The following AKAP6 variants were observed in gnomAD, a reference collection of about 807,000 sequenced individuals.
The protein encoded by AKAP6 is A-kinase anchor protein 6.
In AKAP6, 58 loss-of-function variants were observed where a neutral mutation model predicts 188.5. That is an observed-to-expected ratio of 0.31 (90% CI 0.25 to 0.38). The LOEUF (loss-of-function observed/expected upper bound fraction) is 0.38, where lower values mean the gene tolerates loss of function less well. AKAP6 is among the 10% of genes least tolerant of loss of function. AKAP6 has a pLI of 1.00. For synonymous variants in AKAP6, 989 were observed against 998.6 expected (o/e 0.99, Z 0.18); for missense variants, 2,710 against 2,740.0 (o/e 0.99, Z 0.24).
chr14:32,434,142 G>C (rs114750654), intron 2 of AKAP6, among the ~76,000 whole-genome samples: 6 of 152,142 alleles, frequency 3.9e-5, no homozygotes, highest in Non-Finnish European at 8.8e-5. Flanking sequence ...TTTAATAAAA[G>C]ACTCTTATAG....
intron 9 of AKAP6, among the ~76,000 whole-genome samples, chr14:32,710,710 C>T (rs546336132): frequency 6.6e-5 from 10 of 152,154 alleles, no homozygotes; most frequent in African/African-American, 2.4e-4. Flanking sequence ...CGTTGTTAAA[C>T]GTAGGAAGTA....
intron 7 of AKAP6, among the ~76,000 whole-genome samples, chr14:32,651,979 T>C (rs1888250855): frequency 6.6e-6 from 1 of 152,102 alleles, no homozygotes; most frequent in African/African-American, 2.4e-5. Flanking sequence ...CTTCCTTATA[T>C]AGTATGCATA....
chr14:32,727,588 C>A (rs1448579695), intron 9 of AKAP6, among the ~76,000 whole-genome samples: 1 of 152,136 alleles, frequency 6.6e-6, no homozygotes, highest in Non-Finnish European at 1.5e-5. Context: ...ATTTCCAGAT[C>A]ATGCAAATGG....
chr14:32,648,810 A>G (rs1888088521), intron 7 of AKAP6, among the ~76,000 whole-genome samples: 2 of 152,142 alleles, frequency 1.3e-5, no homozygotes, highest in African/African-American at 4.8e-5. Context: ...AGGAAATCCA[A>G]TTAAGCTCTA....
intron 1 of AKAP6, among the ~76,000 whole-genome samples, chr14:32,359,369 AG>A (rs1377990271): frequency 6.6e-6 from 1 of 152,150 alleles, no homozygotes; most frequent in East Asian, 1.9e-4. Flanking sequence ...AGCAGAAAAA[AG>A]GAAAGTCATA....
intron 9 of AKAP6, among the ~76,000 whole-genome samples, chr14:32,719,423 A>T (rs988390866): frequency 6.6e-6 from 1 of 152,188 alleles, no homozygotes; most frequent in Non-Finnish European, 1.5e-5. Context: ...ACTGATTCTC[A>T]TAGATTTCAA....
chr14:32,769,036 G>GTTTT (rs1566698267), intron 11 of AKAP6, among the ~76,000 whole-genome samples: 1 of 18,502 alleles, frequency 5.4e-5, no homozygotes, highest in African/African-American at 1.5e-4. Context: ...CTGCTCTTTT[G>GTTTT]ATTTTTTTTT....
At chr14:32,485,428 A>G (rs1024372116) in intron 2 of AKAP6, among the ~76,000 whole-genome samples, 1 of 152,094 alleles carries the variant, frequency 6.6e-6, no homozygotes, top group Admixed American at 6.5e-5. Flanking sequence ...CACTCCCACC[A>G]ACAGTGTAAA....
intron 1 of AKAP6, chr14:32,376,120 T>C (rs1349088435): frequency 6.6e-6 from 1 of 152,230 alleles, no homozygotes; most frequent in Non-Finnish European, 1.5e-5. Context: ...ATTTGCGAGT[T>C]AAATTAGCTC....
At chr14:32,674,123 C>T (rs1296622035) in intron 7 of AKAP6, among the ~76,000 whole-genome samples, 1 of 152,064 alleles carries the variant, frequency 6.6e-6, no homozygotes, top group Non-Finnish European at 1.5e-5. Flanking sequence ...GTGCAAAGGT[C>T]CTGAGGCAAG....
At chr14:32,810,770 G>T (rs1290946387) in intron 12 of AKAP6, among the ~76,000 whole-genome samples, 2 of 152,062 alleles carry the variant, frequency 1.3e-5, no homozygotes, top group African/African-American at 4.8e-5. Context: ...TTTATGAGAG[G>T]CTATTAAAGC....
intron 7 of AKAP6, among the ~76,000 whole-genome samples, chr14:32,653,718 T>A (rs140663226): frequency 6.6e-6 from 1 of 152,332 alleles, no homozygotes; most frequent in African/African-American, 2.4e-5. Context: ...AATAATTATC[T>A]TGAAGAATAC....
At chr14:32,428,587 C>T (rs1425486567) in intron 1 of AKAP6, among the ~76,000 whole-genome samples, 1 of 152,142 alleles carries the variant, frequency 6.6e-6, no homozygotes, top group South Asian at 2.1e-4. Context: ...AGGCAAGATA[C>T]CCGGCTTTTC....
intron 1 of AKAP6, among the ~76,000 whole-genome samples, chr14:32,344,328 T>C (rs1886993881): frequency 6.6e-6 from 1 of 152,202 alleles, no homozygotes; most frequent in Non-Finnish European, 1.5e-5. Flanking sequence ...CATGCATTGA[T>C]CTAATGCCTA....
At chr14:32,575,374 A>G (rs1223056473) in intron 4 of AKAP6, among the ~76,000 whole-genome samples, 1 of 152,160 alleles carries the variant, frequency 6.6e-6, no homozygotes, top group Non-Finnish European at 1.5e-5. Flanking sequence ...AATACATTGT[A>G]TGAAATTTCT....
chr14:32,424,877 C>T (rs912318641), intron 1 of AKAP6, among the ~76,000 whole-genome samples: 1 of 152,156 alleles, frequency 6.6e-6, no homozygotes, highest in African/African-American at 2.4e-5. Context: ...TATATATGTA[C>T]CTCATTTTCT....
intron 2 of AKAP6, among the ~76,000 whole-genome samples, chr14:32,506,695 G>A (rs1407170729): frequency 1.3e-5 from 2 of 151,868 alleles, no homozygotes; most frequent in African/African-American, 2.4e-5. Context: ...ACCACACCCG[G>A]CTAATTTTTA....
chr14:32,477,052 G>T (rs959783117), intron 2 of AKAP6, among the ~76,000 whole-genome samples: 1 of 152,132 alleles, frequency 6.6e-6, no homozygotes, highest in South Asian at 2.1e-4. Flanking sequence ...AAGAAAGTTA[G>T]CTCTGGCTCA....
chr14:32,630,878 A>C (rs1054440326), intron 7 of AKAP6, among the ~76,000 whole-genome samples: 2 of 152,102 alleles, frequency 1.3e-5, no homozygotes, highest in Non-Finnish European at 2.9e-5. Flanking sequence ...ACCAAATGAC[A>C]AGGTTGGCTA....
Sources: gnomAD v4.1 joint callset for allele counts (sites outside exome capture counted in the v4.1 genomes callset) on GRCh38, gnomAD v4.1.1 for gene constraint, MANE v1.5 for transcripts, NCBI Gene and HGNC (gene_info 2026-07-23, HGNC 2026-07-21) for gene names.